Variants in HAUS6 observed in about 807,000 individuals in gnomAD.
HAUS6 encodes the protein HAUS augmin-like complex subunit 6.
HAUS6 carries 80 observed loss-of-function variants against 106.8 expected under a neutral mutation model. The ratio of observed to expected loss-of-function variants is 0.75; its 90% CI spans 0.63 to 0.90. The LOEUF is 0.90. Ranked by LOEUF, HAUS6 falls within the 40% of genes least tolerant of loss-of-function variation. HAUS6 has a pLI of 0.00. For synonymous variants in HAUS6, 356 were observed against 379.1 expected (o/e 0.94, Z 0.71); for missense variants, 1,155 against 1,118.1 (o/e 1.03, Z -0.47).
At chr9:19,089,820 G>C in intron 4 of HAUS6, 1 of 427,806 alleles carries the variant, frequency 2.3e-6, no homozygotes, top group Admixed American at 4.1e-5. Flanking sequence ...AACAACTAAT[G>C]TTTTGTTTTG....
chr9:19,068,070 C>G (rs1354751572), intron 12 of HAUS6, among the ~76,000 whole-genome samples: 1 of 151,678 alleles, frequency 6.6e-6, no homozygotes, highest in African/African-American at 2.4e-5. Context: ...TCTAGTATCC[C>G]TATCAATCTT....
chr9:19,060,056 G>T, intron 15 of HAUS6, 32 bp downstream of exon 15: 1 of 1,569,616 alleles, frequency 6.4e-7, no homozygotes, highest in African/African-American at 1.4e-5. Context: ...GTCGATGAAA[G>T]AAAAAAGTAA....
chr9:19,094,329 T>A lies in HAUS6; in HGVS notation c.291A>T (p.Ile97=), dbSNP rs553947813. 1 of 1,587,612 alleles carries A rather than the reference T, an allele frequency of 6.3e-7. No homozygotes were observed. The highest frequency in any genetic ancestry group is 2.2e-5 in the East Asian group (1 of 44,756). The change falls in exon 3 of 17, where the codon ATA becomes ATT. Residue 97 remains isoleucine (I), a synonymous_variant. Coordinates refer to ENST00000380502, the MANE Select transcript of HAUS6 (RefSeq NM_017645.5). The stretch of plus-strand genomic sequence containing the variant: ...AAAGAATACTTACAGAAATCCTTTT[T>A]ATCCATTCACAGCAATGTTTTCGGA... ...TEFRKHCCEW[I]KRISGECGSS...
At chr9:19,100,509 T>C (rs897959585) in intron 1 of HAUS6, among the ~76,000 whole-genome samples, 1 of 152,236 alleles carries the variant, frequency 6.6e-6, no homozygotes, top group Admixed American at 6.5e-5. Flanking sequence ...ACAGCCATTA[T>C]GGGAAACCAT....
chr9:19,066,284 G>A (rs1012515675), intron 12 of HAUS6, among the ~76,000 whole-genome samples: 1 of 152,012 alleles, frequency 6.6e-6, no homozygotes, highest in Non-Finnish European at 1.5e-5. Context: ...TAAGAACTTG[G>A]CGGGGCGGGG....
chr9:19,060,465 G>C (rs535087126), intron 14 of HAUS6, among the ~76,000 whole-genome samples: 8 of 152,326 alleles, frequency 5.3e-5, no homozygotes, highest in Admixed American at 2.0e-4. Context: ...CATTATAAAG[G>C]AGAGAATAGA....
intron 12 of HAUS6, among the ~76,000 whole-genome samples, chr9:19,069,492 C>T (rs576031309): frequency 5.3e-5 from 8 of 150,998 alleles, no homozygotes; most frequent in Non-Finnish European, 1.0e-4. Context: ...AGTTCGAGAC[C>T]AGCCTGGCCA....
chr9:19,095,417 C>T (rs908242537), intron 2 of HAUS6, among the ~76,000 whole-genome samples: 1 of 151,594 alleles, frequency 6.6e-6, no homozygotes, highest in African/African-American at 2.4e-5. Context: ...AACAGTGATA[C>T]TCCATGGTTG....
Position 19,054,387 on chromosome 9 carries a change from T to C in HAUS6, c.*1956A>G, listed in dbSNP as rs1485723264. ...GATCAAAAGGTAACTATGTAGGAGATACTGGATAGGGAAAAGGCTGAAGGC... is the reference window on the plus strand; with the variant it reads ...GATCAAAAGGTAACTATGTAGGAGACACTGGATAGGGAAAAGGCTGAAGGC... On this transcript the variant is annotated 3_prime_UTR_variant, in exon 17 of 17. Coordinates refer to ENST00000380502, the MANE Select transcript of HAUS6 (RefSeq NM_017645.5). 2 of 152,184 alleles carry C rather than the reference T, an allele frequency of 1.3e-5. No individual in the cohort carries two copies. The highest frequency in any genetic ancestry group is 4.8e-5 in the African/African-American group (2 of 41,442). The allele number at this position is 152,184 out of a possible 1,614,324, so 9.4% of individuals were successfully genotyped here. A position where few individuals can be genotyped will look rare whatever the true frequency, so the allele number is the denominator to read the frequency against.
At chr9:19,083,765 G>A (rs1837218220) in intron 7 of HAUS6, among the ~76,000 whole-genome samples, 1 of 148,912 alleles carries the variant, frequency 6.7e-6, no homozygotes, top group Non-Finnish European at 1.5e-5. Context: ...TCGCGCCACT[G>A]CACTCCAGCC....
chr9:19,082,434 GT>G (rs11479229), intron 8 of HAUS6, among the ~76,000 whole-genome samples: 27,939 of 152,116 alleles, frequency 0.18, 2,706 homozygotes, highest in Middle Eastern at 0.22. Flanking sequence ...CCTTATGAAA[GT>G]TTTACTAAAC....
At chr9:19,066,949 G>A (rs889091463) in intron 12 of HAUS6, among the ~76,000 whole-genome samples, 1 of 151,576 alleles carries the variant, frequency 6.6e-6, no homozygotes, top group Non-Finnish European at 1.5e-5. Context: ...CAAGGCTGCA[G>A]TGAGCTATGA....
In HAUS6 at chr9:19,080,571, C is replaced by T. The variant is rs1482879838; in HGVS notation, c.972G>A (p.Gln324=). The T allele has an allele frequency of 6.2e-7, 1 of 1,600,480 alleles. No individual in the cohort carries two copies. The highest frequency in any genetic ancestry group is 1.1e-5 in the South Asian group (1 of 90,740). ...VLKVMKYERC[Q]ADQARLTVDL... is the part of the protein sequence containing the mutation. Reference sequence around the variant, plus strand: ...CTACCGTCAATCTTGCTTGATCAGCCTGACAACGTTCATATTTCATCACCT... The same window carrying T: ...CTACCGTCAATCTTGCTTGATCAGCTTGACAACGTTCATATTTCATCACCT... Residue 324 remains glutamine, a synonymous_variant, in exon 9 of 17, where the codon CAG becomes CAA. Coordinates refer to ENST00000380502, the MANE Select transcript of HAUS6 (RefSeq NM_017645.5).
chr9:19,079,010 C>A (rs1196258595), intron 9 of HAUS6, among the ~76,000 whole-genome samples: 1 of 149,572 alleles, frequency 6.7e-6, no homozygotes, highest in Non-Finnish European at 1.5e-5. Flanking sequence ...AATAATAATA[C>A]AAAATTGGCT....
rs538119546 is a variant in HAUS6, at chr9:19,058,571, A to T, written c.2196T>A (p.Phe732Leu). 6.1e-4 allele frequency: 967 copies of T among 1,596,662 alleles called. 14 individuals carry two copies. In the South Asian group the frequency reaches 0.01, roughly 17 times the overall value. The change falls in exon 16 of 17, where the codon TTT (phenylalanine) becomes TTA (leucine). Residue 732 changes from phenylalanine (F) to leucine (L), a missense_variant. By Grantham distance (22) the Phe-to-Leu change is conservative. Transcript: ENST00000380502. The stretch of plus-strand genomic sequence containing the variant: ...CTTCTAAGTGGTCCAATATTTTCAT[A>T]AACTCCTCTTCACTGCCACCCATCA... ...IDVMGGSEEE[F>L]MKILDHLEVS... is the part of the protein sequence containing the mutation.
chr9:19,099,452 C>G (rs1381563369), intron 1 of HAUS6, among the ~76,000 whole-genome samples: 3 of 151,886 alleles, frequency 2.0e-5, no homozygotes, highest in African/African-American at 7.3e-5. Flanking sequence ...AGGCGTGAGC[C>G]ACCGCACCCG....
At chr9:19,083,216 A>G (rs892153062) in intron 7 of HAUS6, among the ~76,000 whole-genome samples, 173 bp from the exon 8 acceptor site, 3 of 152,124 alleles carry the variant, frequency 2.0e-5, no homozygotes, top group African/African-American at 7.2e-5. Flanking sequence ...TTCCAAAGGG[A>G]ATTTTTAAAA....
chr9:19,102,582 C>G lies in HAUS6; in HGVS notation c.70G>C (p.Glu24Gln). 6.2e-7 allele frequency: 1 copy of G among 1,613,820 alleles called. No homozygotes were observed. The highest frequency in any genetic ancestry group is 8.5e-7 in the Non-Finnish European group (1 of 1,179,878). The change falls in exon 1 of 17, where the codon GAG (glutamate) becomes CAG (glutamine). Residue 24 changes from glutamate (E) to glutamine (Q), a missense_variant. By Grantham distance (29) the Glu-to-Gln change is conservative. This residue lies in a region of HAUS6 where 761 missense variants were observed against 690.0 expected (regional missense o/e 1.10). Coordinates refer to ENST00000380502, the MANE Select transcript of HAUS6 (RefSeq NM_017645.5). ...LWMYLQALGF[E>Q]PGPATIACGK... The stretch of plus-strand genomic sequence containing the variant: ...CAGGCAATGGTTGCCGGGCCTGGCT[C>G]GAAGCCGAGCGCCTGCAGATACATC...
intron 16 of HAUS6, 50 bp from the exon 17 acceptor site, chr9:19,056,454 A>C: frequency 2.0e-6 from 2 of 1,020,480 alleles, no homozygotes; most frequent in African/African-American, 1.6e-5. Context: ...AAGAAAAATA[A>C]ACAATAGATT....
Sources: gnomAD v4.1 joint callset for allele counts (sites outside exome capture counted in the v4.1 genomes callset) on GRCh38, gnomAD v4.1.1 for gene constraint, gnomAD v4.1.1 regional missense constraint, MANE v1.5 for transcripts, NCBI Gene and HGNC (gene_info 2026-07-23, HGNC 2026-07-21) for gene names.